Variants in GRB14 observed in about 807,000 individuals in gnomAD.
The protein encoded by GRB14 is growth factor receptor-bound protein 14.
GRB14 carries 38 observed loss-of-function variants against 69.1 expected under a neutral mutation model. That is an observed-to-expected ratio of 0.55 (90% CI 0.42 to 0.72). The LOEUF (loss-of-function observed/expected upper bound fraction) is 0.72, where lower values mean the gene tolerates loss of function less well. Ranked by LOEUF, GRB14 falls within the 30% of genes least tolerant of loss-of-function variation. The pLI, the probability that GRB14 is intolerant of heterozygous loss-of-function variation, is 0.00. For synonymous variants in GRB14, 247 were observed against 241.3 expected, an observed-to-expected ratio of 1.02 and a Z score of -0.22; for missense variants, 666 against 666.1, an observed-to-expected ratio of 1.00 and a Z score of 0.00.
At chr2:164,537,478 A>G (rs1004971049) in intron 3 of GRB14, among the ~76,000 whole-genome samples, 8 of 152,156 alleles carry the variant, frequency 5.3e-5, no homozygotes, top group Admixed American at 3.3e-4. Flanking sequence ...GGGGTGAGAC[A>G]TTAAGACTGC....
At position 164,621,374 on chromosome 2, in the gene GRB14, G is replaced by A; in HGVS notation, c.-65C>T. 8.2e-7 allele frequency: 1 copy of A among 1,217,268 alleles called. No homozygotes were observed. Among genetic ancestry groups the A allele is most frequent in the African/African-American group, 1.6e-5 (1 of 64,424 alleles). The allele number at this position is 1,217,268 out of a possible 1,614,324, so 75.4% of individuals were successfully genotyped here. ...GCGCGTGGGGAGAAGGGGTTTGCGC[G>A]GCGGGAGGCGAGGTGCCGGCTAGGC... On this transcript the variant is annotated 5_prime_UTR_variant, in exon 1 of 14. Coordinates refer to ENST00000263915, the MANE Select transcript of GRB14 (RefSeq NM_004490.3). The surrounding 1 kb of genome is among the most constrained non-coding windows in gnomAD (Gnocchi z 6.0).
chr2:164,564,390 T>C (rs1259660102), intron 2 of GRB14, among the ~76,000 whole-genome samples: 2 of 152,184 alleles, frequency 1.3e-5, no homozygotes, highest in Non-Finnish European at 2.9e-5. Flanking sequence ...GGAAAAATAG[T>C]GATGTGATGA....
At chr2:164,608,593 A>G (rs559833836) in intron 2 of GRB14, among the ~76,000 whole-genome samples, 38 of 151,690 alleles carry the variant, frequency 2.5e-4, no homozygotes, top group African/African-American at 7.5e-4. Flanking sequence ...GAAAAAAAGA[A>G]AAAAGAAAAA....
intron 2 of GRB14, among the ~76,000 whole-genome samples, chr2:164,610,245 T>G (rs1337411913): frequency 6.6e-6 from 1 of 152,216 alleles, no homozygotes; most frequent in Non-Finnish European, 1.5e-5. Flanking sequence ...AGCATATACC[T>G]CTTGCTCTGA....
chr2:164,527,163 T>C (rs1559035278), intron 3 of GRB14, 28 bp from the exon 4 acceptor site: 3 of 882,656 alleles, frequency 3.4e-6, no homozygotes, highest in Non-Finnish European at 4.9e-6. Flanking sequence ...ATGAGTATGT[T>C]GACAGATAGA....
At chr2:164,508,402 C>G (rs924183537) in intron 8 of GRB14, 53 bp downstream of exon 8, 27 of 1,420,194 alleles carry the variant, frequency 1.9e-5, no homozygotes, top group Non-Finnish European at 2.1e-5. Context: ...TATTTTCTAA[C>G]TTTTATGGTA....
chr2:164,544,160 T>C (rs1688307672), intron 3 of GRB14, among the ~76,000 whole-genome samples: 1 of 152,190 alleles, frequency 6.6e-6, no homozygotes, highest in South Asian at 2.1e-4. Context: ...TTCCAGAAAA[T>C]ACAGTAATAA....
chr2:164,529,035 C>A (rs1169922063), intron 3 of GRB14, among the ~76,000 whole-genome samples: 1 of 152,114 alleles, frequency 6.6e-6, no homozygotes, highest in African/African-American at 2.4e-5. Context: ...GAATAGATAA[C>A]AAATGTGGTA....
intron 3 of GRB14, among the ~76,000 whole-genome samples, chr2:164,537,782 G>A (rs1270099985): frequency 4.6e-5 from 7 of 152,104 alleles, no homozygotes; most frequent in Non-Finnish European, 8.8e-5. Context: ...CGGTCTGTGC[G>A]TGCCACCAGG....
chr2:164,582,139 T>A (rs2105338778), intron 2 of GRB14, among the ~76,000 whole-genome samples: 1 of 152,324 alleles, frequency 6.6e-6, no homozygotes, highest in African/African-American at 2.4e-5. Context: ...CCCATTTGGA[T>A]GACTCACATG....
In GRB14 at chr2:164,621,234, C is replaced by T. The variant is rs779177174; in HGVS notation, c.76G>A (p.Val26Met). The T allele has an allele frequency of 9.8e-5, 124 of 1,262,608 alleles. No individual in the cohort carries two copies. Among genetic ancestry groups the T allele is most frequent in the Non-Finnish European group, 1.2e-4 (121 of 1,002,308 alleles). The allele number at this position is 1,262,608 out of a possible 1,614,324, so 78.2% of individuals were successfully genotyped here. The change falls in exon 1 of 14, where the codon GTG becomes ATG. Residue 26 changes from valine to methionine, a missense_variant. Physicochemically the swap from Val to Met is conservative, Grantham distance 21. Transcript: ENST00000263915. This position sits in a 1 kb window ranked among gnomAD's most constrained non-coding sequence, Gnocchi z 6.0. ...AARDSPLAAQ[V>M]CGAAQGRGDA... ...CCCCTCCCCTGGGCAGCGCCACACA[C>T]CTGGGCGGCCAGCGGCGAATCCCGG...
intron 6 of GRB14, among the ~76,000 whole-genome samples, chr2:164,520,003 GAA>G (rs1032421730): frequency 6.6e-6 from 1 of 150,540 alleles, no homozygotes; most frequent in Non-Finnish European, 1.5e-5. Context: ...CACAGAACTA[GAA>G]AAAAAAATCC....
rs199686074 is a variant in GRB14, at chr2:164,494,420, G to A, written c.1476+11C>T. 4.2e-4 allele frequency: 578 copies of A among 1,382,236 alleles called. 1 individual carries two copies. The highest frequency in any genetic ancestry group is 5.4e-4 in the Non-Finnish European group (523 of 968,876). The allele number at this position is 1,382,236 out of a possible 1,614,324, so 85.6% of individuals were successfully genotyped here. A position where few individuals can be genotyped will look rare whatever the true frequency, so the allele number is the denominator to read the frequency against. ...TTCTAATACACAAATGTGAAATCAC[G>A]AATTACTTACTGGTATAATTTGAAA... On this transcript the variant is annotated intron_variant, in intron 13 of 13. Transcript: ENST00000263915.
At chr2:164,543,279 A>G (rs1688284178) in intron 3 of GRB14, among the ~76,000 whole-genome samples, 1 of 151,780 alleles carries the variant, frequency 6.6e-6, no homozygotes, top group Admixed American at 6.6e-5. Flanking sequence ...CCAGCATGGG[A>G]GACAGACCAA....
chr2:164,610,224 A>G (rs1420029947), intron 2 of GRB14, among the ~76,000 whole-genome samples: 1 of 152,240 alleles, frequency 6.6e-6, no homozygotes, highest in African/African-American at 2.4e-5. Flanking sequence ...TTAATAATTA[A>G]AACATTTGCT....
At chr2:164,567,463 T>A (rs771358917) in intron 2 of GRB14, among the ~76,000 whole-genome samples, 11 of 152,124 alleles carry the variant, frequency 7.2e-5, no homozygotes, top group Non-Finnish European at 1.6e-4. Context: ...AAAAGTTGAG[T>A]TCAAAAATAA....
At chr2:164,576,951 T>C (rs1689266208) in intron 2 of GRB14, among the ~76,000 whole-genome samples, 1 of 151,526 alleles carries the variant, frequency 6.6e-6, no homozygotes, top group Non-Finnish European at 1.5e-5. Context: ...ATATACAAAA[T>C]AAGAAATAAT....
intron 2 of GRB14, among the ~76,000 whole-genome samples, chr2:164,615,506 T>C (rs1690268091): frequency 6.6e-6 from 1 of 152,214 alleles, no homozygotes; most frequent in Non-Finnish European, 1.5e-5. Flanking sequence ...TACTCTTATT[T>C]ACAGTCCTTG....
chr2:164,601,742 A>C (rs1462408324), intron 2 of GRB14, among the ~76,000 whole-genome samples: 1 of 152,156 alleles, frequency 6.6e-6, no homozygotes, highest in African/African-American at 2.4e-5. Flanking sequence ...CGATATATGC[A>C]CCCTTATAAG....
Sources: allele counts gnomAD v4.1 joint callset (sites outside exome capture counted in the v4.1 genomes callset), GRCh38; gene constraint gnomAD v4.1.1; non-coding constraint Gnocchi (gnomAD v3.1); transcripts MANE v1.5; gene names NCBI Gene and HGNC (gene_info 2026-07-23, HGNC 2026-07-21).